WWOX: variants seen among roughly 807,000 people sequenced by gnomAD.
WWOX encodes WW domain-containing oxidoreductase.
Under a neutral mutation model 46.2 loss-of-function variants are expected in WWOX, and 69 were observed. The ratio of observed to expected loss-of-function variants is 1.49; its 90% CI spans 1.23 to 1.82. WWOX has a LOEUF of 1.82. Among genes scored for constraint, WWOX ranks in the 40% most tolerant of loss-of-function variants. The probability of loss-of-function intolerance (pLI) is 0.00; values close to 1 mark genes in which losing one functional copy is unlikely to be tolerated. For synonymous variants in WWOX, 359 were observed against 202.6 expected, an observed-to-expected ratio of 1.77 and a Z score of -6.56; for missense variants, 919 against 542.6, an observed-to-expected ratio of 1.69 and a Z score of -6.89.
intron 8 of WWOX, among the ~76,000 whole-genome samples, chr16:78,818,728 C>T (rs1386836016): frequency 6.6e-6 from 1 of 152,198 alleles, no homozygotes; most frequent in East Asian, 1.9e-4. Flanking sequence ...CTGCCTCTAC[C>T]ATGTAACTAG....
At chr16:78,159,345 A>G (rs1369195458) in intron 4 of WWOX, among the ~76,000 whole-genome samples, 2 of 152,134 alleles carry the variant, frequency 1.3e-5, no homozygotes, top group South Asian at 2.1e-4. Flanking sequence ...CTGGATCATA[A>G]TCCAGCAATT....
chr16:78,950,830 C>G (rs952872730), intron 8 of WWOX, among the ~76,000 whole-genome samples: 1 of 152,166 alleles, frequency 6.6e-6, no homozygotes, highest in African/African-American at 2.4e-5. Context: ...GAAAACCAGA[C>G]TTTTGAAGCA....
At chr16:78,634,926 C>G (rs918232930) in intron 8 of WWOX, among the ~76,000 whole-genome samples, 3 of 150,664 alleles carry the variant, frequency 2.0e-5, no homozygotes, top group African/African-American at 7.3e-5. Flanking sequence ...AAAGTGCTGA[C>G]TTTGTGAACG....
At chr16:79,144,781 A>G (rs2050154029) in intron 8 of WWOX, among the ~76,000 whole-genome samples, 1 of 152,196 alleles carries the variant, frequency 6.6e-6, no homozygotes, top group African/African-American at 2.4e-5. Flanking sequence ...TGTGGTACAA[A>G]TATATTACTT....
chr16:79,177,243 G>T (rs950274856), intron 8 of WWOX, among the ~76,000 whole-genome samples: 1 of 152,162 alleles, frequency 6.6e-6, no homozygotes, highest in Admixed American at 6.5e-5. Context: ...CGCGAGTGCC[G>T]TTGTGGCCGA....
chr16:78,692,474 T>A (rs1006302484), intron 8 of WWOX, among the ~76,000 whole-genome samples: 1 of 152,178 alleles, frequency 6.6e-6, no homozygotes, highest in Admixed American at 6.5e-5. Flanking sequence ...TCAAAGTGGC[T>A]CACACCTGGC....
At chr16:78,316,018 G>T (rs184958104) in intron 5 of WWOX, among the ~76,000 whole-genome samples, 85 of 152,174 alleles carry the variant, frequency 5.6e-4, no homozygotes, top group African/African-American at 2.0e-3. Flanking sequence ...GGCTGAGGTG[G>T]GCGGATCACT....
chr16:79,164,833 C>T (rs1002397019), intron 8 of WWOX, among the ~76,000 whole-genome samples: 1 of 152,040 alleles, frequency 6.6e-6, no homozygotes, highest in Non-Finnish European at 1.5e-5. Flanking sequence ...TATGTAGCAC[C>T]AGCCCTGAAA....
intron 5 of WWOX, among the ~76,000 whole-genome samples, chr16:78,314,717 T>G (rs1377583718): frequency 1.5e-5 from 2 of 129,908 alleles, no homozygotes; most frequent in Non-Finnish European, 3.3e-5. Flanking sequence ...TTTTTTTTTT[T>G]TTTTCTGTAT....
chr16:78,483,375 ATT>A (rs11335355), intron 8 of WWOX, among the ~76,000 whole-genome samples: 38 of 135,406 alleles, frequency 2.8e-4, no homozygotes, highest in Middle Eastern at 4.0e-3. Flanking sequence ...GACATGGAAG[ATT>A]TTTTTTTTTT....
chr16:78,634,570 G>A (rs1397089804), intron 8 of WWOX, among the ~76,000 whole-genome samples: 1 of 152,084 alleles, frequency 6.6e-6, no homozygotes, highest in Non-Finnish European at 1.5e-5. Flanking sequence ...GCTGGGCATG[G>A]TGGCGGGCGC....
intron 5 of WWOX, among the ~76,000 whole-genome samples, chr16:78,180,309 T>A (rs1402110016): frequency 6.6e-6 from 1 of 152,094 alleles, no homozygotes; most frequent in African/African-American, 2.4e-5. Flanking sequence ...GGCCTTTAGG[T>A]AGAATGAACA....
At chr16:78,841,390 G>A (rs2052145565) in intron 8 of WWOX, among the ~76,000 whole-genome samples, 2 of 152,214 alleles carry the variant, frequency 1.3e-5, no homozygotes, top group South Asian at 4.1e-4. Flanking sequence ...GCTCATGAGA[G>A]CAGATTTTGC....
chr16:78,817,617 T>C (rs990943909), intron 8 of WWOX, among the ~76,000 whole-genome samples: 1 of 152,138 alleles, frequency 6.6e-6, no homozygotes, highest in Non-Finnish European at 1.5e-5. Flanking sequence ...TGTCAACAAG[T>C]AGTTCAAGTT....
At chr16:78,139,471 C>G (rs1436268586) in intron 4 of WWOX, among the ~76,000 whole-genome samples, 1 of 152,062 alleles carries the variant, frequency 6.6e-6, no homozygotes, top group African/African-American at 2.4e-5. Context: ...TGGTGAAACC[C>G]CTTCTCTACT....
At chr16:79,040,570 C>G (rs1188691317) in intron 8 of WWOX, among the ~76,000 whole-genome samples, 1 of 152,136 alleles carries the variant, frequency 6.6e-6, no homozygotes, top group African/African-American at 2.4e-5. Context: ...GCCACTGGGC[C>G]TGGCCTGAGT....
rs771499867 is a variant in WWOX, at chr16:78,422,774, C to CAT, written c.606-2086_606-2085dup. Among the ~76,000 whole-genome samples, 49 of 113,828 alleles carry CAT rather than the reference C, an allele frequency of 4.3e-4. 4 individuals carry two copies. Among genetic ancestry groups the CAT allele is most frequent in the African/African-American group, 1.5e-3 (29 of 19,458 alleles). 74.7% of individuals were successfully genotyped at this position (113,828 alleles called of 152,430 possible). A position where few individuals can be genotyped will look rare whatever the true frequency, so the allele number is the denominator to read the frequency against. ...ACATATATACACATATATATACACA[C>CAT]ATATATATATACACACACACATATA... is the stretch of plus-strand genomic sequence containing the variant. On this transcript the variant is annotated intron_variant, in intron 6 of 8. Coordinates refer to ENST00000566780, the MANE Select transcript of WWOX (RefSeq NM_016373.4).
chr16:78,349,006 C>T (rs1291060034), intron 5 of WWOX, among the ~76,000 whole-genome samples: 1 of 119,666 alleles, frequency 8.4e-6, no homozygotes, highest in Non-Finnish European at 2.0e-5. Context: ...GCTCAGGCTG[C>T]CATAACAAAA....
intron 5 of WWOX, among the ~76,000 whole-genome samples, chr16:78,329,673 T>C (rs1295235520): frequency 2.0e-5 from 3 of 152,206 alleles, no homozygotes; most frequent in Non-Finnish European, 2.9e-5. Context: ...TGCTCTGTTA[T>C]TCTTGCCAAT....
Sources: gnomAD v4.1 joint callset for allele counts (sites outside exome capture counted in the v4.1 genomes callset) on GRCh38, gnomAD v4.1.1 for gene constraint, MANE v1.5 for transcripts, NCBI Gene and HGNC (gene_info 2026-07-23, HGNC 2026-07-21) for gene names.